Variants in YBEY observed in about 807,000 individuals in gnomAD.
YBEY encodes ybeY metalloendoribonuclease.
A neutral mutation model predicts 13.5 loss-of-function variants in YBEY; 15 were observed. That is an observed-to-expected ratio of 1.11 (90% CI 0.75 to 1.72). YBEY has a LOEUF of 1.72. YBEY is among the 40% of genes most tolerant of loss of function. The pLI, the probability that YBEY is intolerant of heterozygous loss-of-function variation, is 0.00. For synonymous variants in YBEY, 101 were observed against 83.1 expected (o/e 1.21, Z -1.17); for missense variants, 244 against 208.4 (o/e 1.17, Z -1.05).
chr21:46,299,333 G>T (rs919445262), downstream of YBEY, among the ~76,000 whole-genome samples: 2 of 152,050 alleles, frequency 1.3e-5, no homozygotes, highest in African/African-American at 2.4e-5. Context: ...AGGAAGAGCC[G>T]CCCGTGGCCC....
intron 3 of YBEY, 105 bp from the exon 4 acceptor site, chr21:46,296,057 G>A: frequency 6.6e-6 from 8 of 1,210,844 alleles, no homozygotes; most frequent in Non-Finnish European, 9.7e-6. Context: ...CAACCCTGGG[G>A]TCCTGCAGCC....
rs2081704393 is a variant in YBEY, at chr21:46,291,397, T to C, written c.274T>C (p.Phe92Leu). Residue 92 changes from phenylalanine (F) to leucine (L), a missense_variant, in exon 3 of 5, where the codon TTC becomes CTC. Coordinates refer to ENST00000397701, the MANE Select transcript of YBEY (RefSeq NM_001314025.2). The stretch of plus-strand genomic sequence containing the variant: ...AGATGACTACAATTTGGGAGACATT[T>C]TCCTAGGAGTGGAGTATATCTTCCA... ...FPDDYNLGDI[F>L]LGVEYIFHQC... The C allele has an allele frequency of 5.6e-6, 9 of 1,614,118 alleles. No homozygotes were observed. The highest frequency in any genetic ancestry group is 7.6e-6 in the Non-Finnish European group (9 of 1,180,012).
At chr21:46,301,996 C>T, downstream of YBEY, 1 of 1,526,398 alleles carries the variant, frequency 6.6e-7, no homozygotes. Flanking sequence ...CTGTGACTCA[C>T]ACTCAGGGTG....
At chr21:46,296,111 G>A (rs1327587723) in intron 3 of YBEY, 51 bp from the exon 4 acceptor site, 2 of 1,609,050 alleles carry the variant, frequency 1.2e-6, no homozygotes, top group Middle Eastern at 1.7e-4. Flanking sequence ...CCCTGAAGGG[G>A]CAGGTTCCTG....
intron 2 of YBEY, among the ~76,000 whole-genome samples, chr21:46,288,056 C>A (rs554412593): frequency 5.3e-5 from 8 of 152,046 alleles, no homozygotes; most frequent in African/African-American, 1.9e-4. Flanking sequence ...CGTCCACCCC[C>A]CTTCCCCTCC....
the YBEY span, among the ~76,000 whole-genome samples, chr21:46,312,730 T>A: frequency 1.3e-5 from 2 of 152,202 alleles, no homozygotes; most frequent in Admixed American, 1.3e-4. Context: ...CACAGTGGCT[T>A]TAATTTGCAT....
chr21:46,308,119 G>A, the YBEY span, among the ~76,000 whole-genome samples: 4 of 151,608 alleles, frequency 2.6e-5, no homozygotes, highest in Admixed American at 1.3e-4. Context: ...TCAGCCTCCC[G>A]AGCAGCTGGG....
chr21:46,302,588 A>C, downstream of YBEY: 2 of 1,602,670 alleles, frequency 1.2e-6, no homozygotes, highest in Non-Finnish European at 1.7e-6. Context: ...TGCAGGGAAG[A>C]AGCAGGGGGA....
downstream of YBEY, chr21:46,301,932 A>G: frequency 7.1e-7 from 1 of 1,404,598 alleles, no homozygotes; most frequent in Non-Finnish European, 9.2e-7. Context: ...TAGTCCCGCC[A>G]CAGCCCACAG....
rs1292276875 is a variant in YBEY, at chr21:46,297,514, G to C, written c.409-25G>C. ...GGGCGCGGACACCTTCCCTGGGGAG[G>C]GCCAGCGCGCTTCCTTCCTTCCAGA... is the stretch of plus-strand genomic sequence containing the variant. On this transcript the variant is annotated intron_variant, in intron 4 of 4. Coordinates refer to ENST00000397701, the MANE Select transcript of YBEY (RefSeq NM_001314025.2). The C allele has an allele frequency of 2.9e-6, 4 of 1,359,676 alleles. No individual in the cohort carries two copies. In the African/African-American group the frequency reaches 6.1e-5, roughly 21 times the overall value. The allele number at this position is 1,359,676 out of a possible 1,614,324, so 84.2% of individuals were successfully genotyped here.
chr21:46,291,211 A>AG lies in YBEY; in HGVS notation c.211-123_211-122insG, dbSNP rs2081692057. 2.6e-6 allele frequency: 3 copies of AG among 1,171,052 alleles called. 1 individual carries two copies. The highest frequency in any genetic ancestry group is 4.0e-5 in the African/African-American group (1 of 25,026). The allele number at this position is 1,171,052 out of a possible 1,614,324, so 72.5% of individuals were successfully genotyped here. On this transcript the variant is annotated intron_variant, in intron 2 of 4. Transcript: ENST00000397701. ...AAACTCCGTCTCAAAAAAAAAAAAA[A>AG]AAAAAGTGATTTGGCTCAGAGATAA...
the YBEY span, among the ~76,000 whole-genome samples, chr21:46,305,323 T>A: frequency 6.7e-6 from 1 of 149,058 alleles, no homozygotes; most frequent in Non-Finnish European, 1.5e-5. Context: ...AATCACAAAT[T>A]AATCTTTTTT....
the YBEY span, among the ~76,000 whole-genome samples, chr21:46,305,325 A>ATTT: frequency 7.1e-6 from 1 of 140,506 alleles, no homozygotes; most frequent in Admixed American, 7.1e-5. Flanking sequence ...TCACAAATTA[A>ATTT]TCTTTTTTTT....
the YBEY span, among the ~76,000 whole-genome samples, chr21:46,312,771 G>T: frequency 6.6e-6 from 1 of 152,188 alleles, no homozygotes; most frequent in Non-Finnish European, 1.5e-5. Flanking sequence ...TTGAGCATCT[G>T]GGGCAGACCC....
intron 2 of YBEY, among the ~76,000 whole-genome samples, chr21:46,290,959 T>A (rs1212420855): frequency 1.4e-5 from 2 of 147,736 alleles, no homozygotes; most frequent in African/African-American, 5.0e-5. Context: ...GCAGGAGAAT[T>A]GCTTGAACCC....
intron 4 of YBEY, 91 bp from the exon 5 acceptor site, chr21:46,297,448 C>T (rs2081990361): frequency 3.3e-6 from 4 of 1,230,102 alleles, no homozygotes; most frequent in Non-Finnish European, 4.2e-6. Context: ...TCCCCCAAAC[C>T]CTGTGGGAGG....
chr21:46,297,839 G>C, downstream of YBEY: 2 of 1,155,782 alleles, frequency 1.7e-6, no homozygotes, highest in Non-Finnish European at 2.2e-6. Context: ...GGAACGCGTG[G>C]CCCCCGCCCG....
At chr21:46,293,374 G>T (rs2081820559) in intron 3 of YBEY, among the ~76,000 whole-genome samples, 1 of 38,236 alleles carries the variant, frequency 2.6e-5, no homozygotes, top group Non-Finnish European at 6.3e-5. Context: ...AGCCACGCAA[G>T]TTAGACTCTA....
intron 2 of YBEY, among the ~76,000 whole-genome samples, chr21:46,289,641 T>C (rs1173450279): frequency 1.3e-5 from 2 of 151,420 alleles, no homozygotes; most frequent in African/African-American, 4.9e-5. Context: ...TTTAGTAAAG[T>C]TGGGGTTTCA....
Sources: allele counts gnomAD v4.1 joint callset (sites outside exome capture counted in the v4.1 genomes callset), GRCh38; gene constraint gnomAD v4.1.1; transcripts MANE v1.5; gene names NCBI Gene and HGNC (gene_info 2026-07-23, HGNC 2026-07-21).